Variants in AKAP8L observed in about 807,000 individuals in gnomAD.
AKAP8L encodes A-kinase anchoring protein 8 like, also known as A-kinase anchor protein 8-like.
AKAP8L carries 34 observed loss-of-function variants against 77.5 expected under a neutral mutation model. The observed-to-expected ratio is 0.44, with a 90% CI of 0.33 to 0.58. The LOEUF is 0.58. AKAP8L is among the 20% of genes least tolerant of loss of function. The pLI, the probability that AKAP8L is intolerant of heterozygous loss-of-function variation, is 0.02. For synonymous variants in AKAP8L, 342 were observed against 340.7 expected (o/e 1.00, Z -0.04); for missense variants, 806 against 887.6 (o/e 0.91, Z 1.17).
intron 12 of AKAP8L, among the ~76,000 whole-genome samples, chr19:15,394,858 T>C (rs1047342547): frequency 6.6e-6 from 1 of 152,232 alleles, no homozygotes; most frequent in Admixed American, 6.5e-5. Context: ...ATTTAGACTG[T>C]ATTCAAATTA....
At chr19:15,391,454 T>A (rs1445869475) in intron 12 of AKAP8L, among the ~76,000 whole-genome samples, 5 of 28,706 alleles carry the variant, frequency 1.7e-4, no homozygotes, top group African/African-American at 6.6e-4. Flanking sequence ...TGAGACTCTG[T>A]CTCAAAAAAA....
At position 15,401,392 on chromosome 19, in the gene AKAP8L, G is replaced by A; in HGVS notation, c.574C>T (p.Pro192Ser). 6.2e-7 allele frequency: 1 copy of A among 1,613,200 alleles called. No individual in the cohort carries two copies. Among genetic ancestry groups the A allele is most frequent in the Admixed American group, 1.7e-5 (1 of 60,010 alleles). The change falls in exon 5 of 14, where the codon CCA (proline) becomes TCA (serine). Residue 192 changes from proline to serine, a missense_variant. By Grantham distance (74) the Pro-to-Ser change is moderately conservative. Coordinates refer to ENST00000397410, the MANE Select transcript of AKAP8L (RefSeq NM_014371.4). The surrounding 1 kb of genome is among the most constrained non-coding windows in gnomAD (Gnocchi z 6.2). ...GWARDARSGR[P>S]MASGYGRMWE... The stretch of plus-strand genomic sequence containing the variant: ...ATGCGCCCATAGCCTGAGGCCATTG[G>A]CCGGCCGCTCCGGGCATCCCGGGCC...
chr19:15,409,879 C>T (rs1485455075), intron 2 of AKAP8L, among the ~76,000 whole-genome samples: 1 of 152,182 alleles, frequency 6.6e-6, no homozygotes, highest in Non-Finnish European at 1.5e-5. Context: ...AGCCTCTCTC[C>T]CACAGCAAGG....
At chr19:15,406,468 T>C (rs924126622) in intron 2 of AKAP8L, among the ~76,000 whole-genome samples, 2 of 150,416 alleles carry the variant, frequency 1.3e-5, no homozygotes, top group Non-Finnish European at 3.0e-5. Flanking sequence ...ATAAGATATA[T>C]GTACATATAT....
At position 15,398,200 on chromosome 19, in the gene AKAP8L, C is replaced by T; in HGVS notation, c.1158-345G>A. 3.0e-6 allele frequency: 1 copy of T among 331,596 alleles called. No individual in the cohort carries two copies. Among genetic ancestry groups the T allele is most frequent in the South Asian group, 3.3e-5 (1 of 29,864 alleles). The allele number at this position is 331,596 out of a possible 1,614,324, so 20.5% of individuals were successfully genotyped here. A position where few individuals can be genotyped will look rare whatever the true frequency, so the allele number is the denominator to read the frequency against. Reference sequence around the variant, plus strand: ...GCTGGGCAGGAGCGTGTGCACTTGGCCCAGGTGGGGACCGGAAGGAAGGAT... The same window carrying T: ...GCTGGGCAGGAGCGTGTGCACTTGGTCCAGGTGGGGACCGGAAGGAAGGAT... On this transcript the variant is annotated intron_variant, in intron 9 of 13. Transcript: ENST00000397410. This position sits in a 1 kb window ranked among gnomAD's most constrained non-coding sequence, Gnocchi z 9.2.
chr19:15,396,871 C>T (rs951670204), intron 12 of AKAP8L, among the ~76,000 whole-genome samples: 1 of 152,252 alleles, frequency 6.6e-6, no homozygotes, highest in Non-Finnish European at 1.5e-5. Flanking sequence ...ACTGTATCAT[C>T]TCCATTTGGT....
At chr19:15,412,068 C>T (rs770962201) in intron 1 of AKAP8L, among the ~76,000 whole-genome samples, 10 of 152,090 alleles carry the variant, frequency 6.6e-5, no homozygotes, top group South Asian at 2.1e-4. Flanking sequence ...ATTAGCTGGG[C>T]GTGGTGGTGT....
In AKAP8L at chr19:15,380,632, A is replaced by T; in HGVS notation, c.1537-20T>A. The T allele has an allele frequency of 5.6e-6, 9 of 1,611,350 alleles. No homozygotes were observed. Among genetic ancestry groups the T allele is most frequent in the Non-Finnish European group, 7.6e-6 (9 of 1,179,006 alleles). On this transcript the variant is annotated intron_variant, in intron 12 of 13. Coordinates refer to ENST00000397410, the MANE Select transcript of AKAP8L (RefSeq NM_014371.4). Reference sequence around the variant, plus strand: ...CATGAGCTGCGGGCAGGGCAGAAGGAGCTGGAGAGGCTGCTCTGAGTGCCC... The same window carrying T: ...CATGAGCTGCGGGCAGGGCAGAAGGTGCTGGAGAGGCTGCTCTGAGTGCCC...
chr19:15,387,528 AAAG>A (rs1967565036), intron 12 of AKAP8L, among the ~76,000 whole-genome samples: 1 of 152,144 alleles, frequency 6.6e-6, no homozygotes, highest in Non-Finnish European at 1.5e-5. Context: ...CAGCCATAAA[AAAG>A]AAGGACCGGT....
Position 15,399,204 on chromosome 19 carries a change from A to G in AKAP8L, c.1157+98T>C. On this transcript the variant is annotated intron_variant, in intron 9 of 13. Transcript: ENST00000397410. The surrounding 1 kb of genome is among the most constrained non-coding windows in gnomAD (Gnocchi z 6.1). ...CCGAGCAGGTGGCGGCTCCCAAGGG[A>G]GGCCAGAGGGCGGCGAGCTGGCAGA... 1 of 1,104,500 alleles carries G rather than the reference A, an allele frequency of 9.1e-7. No homozygotes were observed. Among genetic ancestry groups the G allele is most frequent in the Non-Finnish European group, 1.4e-6 (1 of 736,506 alleles). The allele number at this position is 1,104,500 out of a possible 1,614,324, so 68.4% of individuals were successfully genotyped here. A position where few individuals can be genotyped will look rare whatever the true frequency, so the allele number is the denominator to read the frequency against.
intron 12 of AKAP8L, among the ~76,000 whole-genome samples, chr19:15,391,357 C>T (rs1340644607): frequency 7.3e-6 from 1 of 137,740 alleles, no homozygotes; most frequent in Non-Finnish European, 1.5e-5. Flanking sequence ...ACTTGGGAGG[C>T]TGAGGCAGGA....
chr19:15,384,236 C>T (rs1967479458), intron 12 of AKAP8L, among the ~76,000 whole-genome samples: 1 of 149,410 alleles, frequency 6.7e-6, no homozygotes, highest in Non-Finnish European at 1.5e-5. Context: ...CGGCTAAGGT[C>T]TTATTTCATA....
chr19:15,399,920 C>T lies in AKAP8L; in HGVS notation c.1048+375G>A, dbSNP rs963637775. ...AGGGAGAGGATACGCACACCAGAGC[C>T]GTAAAAACTGCACCGAGGGTCCCAG... On this transcript the variant is annotated intron_variant, in intron 8 of 13. Coordinates refer to ENST00000397410, the MANE Select transcript of AKAP8L (RefSeq NM_014371.4). The surrounding 1 kb of genome is among the most constrained non-coding windows in gnomAD (Gnocchi z 6.1). The T allele has an allele frequency of 1.1e-5, 4 of 360,228 alleles. No homozygotes were observed. Among genetic ancestry groups the T allele is most frequent in the South Asian group, 3.5e-5 (1 of 28,814 alleles). The allele number at this position is 360,228 out of a possible 1,614,324, so 22.3% of individuals were successfully genotyped here. A position where few individuals can be genotyped will look rare whatever the true frequency, so the allele number is the denominator to read the frequency against.
intron 12 of AKAP8L, among the ~76,000 whole-genome samples, chr19:15,391,457 CAA>C (rs1163781609): frequency 1.7e-3 from 61 of 34,908 alleles, no homozygotes; most frequent in African/African-American, 6.8e-3. Context: ...GACTCTGTCT[CAA>C]AAAAAAAAAA....
intron 1 of AKAP8L, 93 bp from the exon 2 acceptor site, chr19:15,410,687 GC>G: frequency 1.0e-6 from 1 of 1,000,128 alleles, no homozygotes; most frequent in Non-Finnish European, 1.5e-6. Context: ...TTGCCAGCAG[GC>G]CCTTCTCTCA....
rs577056208 is a variant in AKAP8L at position 15,415,366 on chromosome 19, G to A, written c.13+3545C>T. On this transcript the variant is annotated intron_variant, in intron 1 of 13. Coordinates refer to ENST00000397410, the MANE Select transcript of AKAP8L (RefSeq NM_014371.4). The stretch of plus-strand genomic sequence containing the variant: ...GAGGATTACTTGAGCACAGGAGGGC[G>A]AGGCTGCAGTGAGCTATGATTTTGT... 1.2e-4 allele frequency among the ~76,000 whole-genome samples: 18 copies of A among 152,182 alleles called. No homozygotes were observed. In the East Asian group the frequency reaches 1.4e-3, roughly 11 times the overall value.
chr19:15,385,272 C>T lies in AKAP8L; in HGVS notation c.1537-4660G>A, dbSNP rs185135050. ...GACTACAGGCGTGAGCCACCGCGCC[C>T]GGCCTTTCATGCCATTCTCTTGCCT... On this transcript the variant is annotated intron_variant, in intron 12 of 13. Coordinates refer to ENST00000397410, the MANE Select transcript of AKAP8L (RefSeq NM_014371.4). 2.6e-5 allele frequency among the ~76,000 whole-genome samples: 4 copies of T among 151,914 alleles called. No individual in the cohort carries two copies. In the East Asian group the frequency reaches 5.8e-4, roughly 22 times the overall value.
At position 15,405,399 on chromosome 19, in the gene AKAP8L, G is replaced by A. The variant is rs150214210; in HGVS notation, c.89-1357C>T. Among the ~76,000 whole-genome samples, 230 of 152,142 alleles carry A rather than the reference G, an allele frequency of 1.5e-3. 2 individuals carry two copies. Among genetic ancestry groups the A allele is most frequent in the Non-Finnish European group, 1.9e-3 (131 of 68,002 alleles). On this transcript the variant is annotated intron_variant, in intron 2 of 13. Transcript: ENST00000397410. ...AAATACAAAATTAGCCAGGCGTGGT[G>A]GTGCACACCTGTAGTCCCAGCTACT...
chr19:15,399,090 C>A lies in AKAP8L; in HGVS notation c.1157+212G>T. 1.7e-6 allele frequency: 1 copy of A among 580,998 alleles called. No individual in the cohort carries two copies. Among genetic ancestry groups the A allele is most frequent in the Non-Finnish European group, 3.1e-6 (1 of 327,804 alleles). The allele number at this position is 580,998 out of a possible 1,614,324, so 36.0% of individuals were successfully genotyped here. A position where few individuals can be genotyped will look rare whatever the true frequency, so the allele number is the denominator to read the frequency against. On this transcript the variant is annotated intron_variant, in intron 9 of 13. Coordinates refer to ENST00000397410, the MANE Select transcript of AKAP8L (RefSeq NM_014371.4). This position sits in a 1 kb window ranked among gnomAD's most constrained non-coding sequence, Gnocchi z 6.1. ...GCGGTGTCAGGTCTCGGCCCACAGA[C>A]GCCAGCGGTCGCCAGGCGGCCGCAG...
Sources: gnomAD v4.1 joint callset for allele counts (sites outside exome capture counted in the v4.1 genomes callset) on GRCh38, gnomAD v4.1.1 for gene constraint, Gnocchi (gnomAD v3.1) non-coding constraint, MANE v1.5 for transcripts, NCBI Gene and HGNC (gene_info 2026-07-23, HGNC 2026-07-21) for gene names.